The following ABI3BP variants were observed in gnomAD, a reference collection of about 807,000 sequenced individuals.
ABI3BP encodes ABI family member 3 binding protein.
A neutral mutation model predicts 268.6 loss-of-function variants in ABI3BP; 216 were observed. The observed-to-expected ratio is 0.80, with a 90% confidence interval of 0.72 to 0.90. The LOEUF is 0.90. Among genes scored for constraint, ABI3BP ranks in the 40% least tolerant of loss-of-function variants. The probability of loss-of-function intolerance (pLI) is 0.00; values close to 1 mark genes in which losing one functional copy is unlikely to be tolerated. For missense variants in ABI3BP, 2,090 were observed against 2,182.4 expected (o/e 0.96, Z 0.84); for synonymous variants, 730 against 730.0 (o/e 1.00, Z 0.00).
At chr3:100,929,224 C>T (rs1439037158) in intron 1 of ABI3BP, among the ~76,000 whole-genome samples, 3 of 152,158 alleles carry the variant, frequency 2.0e-5, no homozygotes, top group South Asian at 2.1e-4. Flanking sequence ...ATCATCATCA[C>T]GTTAGACTTT....
chr3:100,899,377 G>T (rs901865224), intron 3 of ABI3BP, among the ~76,000 whole-genome samples: 10 of 152,232 alleles, frequency 6.6e-5, no homozygotes, highest in Admixed American at 5.9e-4. Context: ...TAGATTGTAG[G>T]TTATAATCTT....
chr3:100,759,885 A>C (rs975760903), intron 63 of ABI3BP, among the ~76,000 whole-genome samples: 1 of 152,192 alleles, frequency 6.6e-6, no homozygotes, highest in African/African-American at 2.4e-5. Flanking sequence ...CTTTCTACAA[A>C]GCCCATAAGA....
chr3:100,962,280 TC>T (rs2079421322), intron 1 of ABI3BP, among the ~76,000 whole-genome samples: 1 of 152,162 alleles, frequency 6.6e-6, no homozygotes, highest in South Asian at 2.1e-4. Flanking sequence ...CCCATCCCTC[TC>T]CTTTCTTGTT....
chr3:100,810,951 G>A (rs1462278941), intron 48 of ABI3BP, among the ~76,000 whole-genome samples: 2 of 152,126 alleles, frequency 1.3e-5, no homozygotes, highest in South Asian at 2.1e-4. Flanking sequence ...ACAATGCCAA[G>A]CTGGCAGGAT....
intron 29 of ABI3BP, among the ~76,000 whole-genome samples, chr3:100,833,844 G>T (rs1009890461): frequency 6.6e-6 from 1 of 152,160 alleles, no homozygotes; most frequent in Non-Finnish European, 1.5e-5. Flanking sequence ...CCAACTAAAA[G>T]AACTTTGCCT....
chr3:100,894,966 A>AAAAAAAAAAAAAAAAAAAAC (rs1561385846), intron 4 of ABI3BP, among the ~76,000 whole-genome samples: 2 of 138,614 alleles, frequency 1.4e-5, no homozygotes, highest in Non-Finnish European at 3.2e-5. Context: ...AAAAAAAAAA[A>AAAAAAAAAAAAAAAAAAAAC]ACAGAAAAAA....
chr3:100,814,251 T>C (rs1479704031), intron 44 of ABI3BP, among the ~76,000 whole-genome samples: 1 of 152,140 alleles, frequency 6.6e-6, no homozygotes, highest in Non-Finnish European at 1.5e-5. Flanking sequence ...AATTAAGTTC[T>C]CATGGACTAT....
At chr3:100,764,846 T>C (rs1004941248) in intron 63 of ABI3BP, among the ~76,000 whole-genome samples, 1 of 152,320 alleles carries the variant, frequency 6.6e-6, no homozygotes, top group Non-Finnish European at 1.5e-5. Context: ...TGGCTAAAAG[T>C]CTTTTAAGAA....
At chr3:100,758,155 T>C (rs2095734957) in intron 63 of ABI3BP, among the ~76,000 whole-genome samples, 1 of 151,854 alleles carries the variant, frequency 6.6e-6, no homozygotes, top group African/African-American at 2.4e-5. Context: ...GGAGGCAGCA[T>C]GATCCAGGGG....
At chr3:100,939,498 C>T (rs929800116) in intron 1 of ABI3BP, among the ~76,000 whole-genome samples, 9 of 151,940 alleles carry the variant, frequency 5.9e-5, no homozygotes, top group South Asian at 2.1e-4. Flanking sequence ...GAAGACATCA[C>T]GTGTCGGTAG....
intron 1 of ABI3BP, among the ~76,000 whole-genome samples, chr3:100,963,025 G>A (rs1433202437): frequency 6.6e-6 from 1 of 152,086 alleles, no homozygotes; most frequent in African/African-American, 2.4e-5. Flanking sequence ...TTCTAGTACA[G>A]GAAATAACCA....
intron 63 of ABI3BP, among the ~76,000 whole-genome samples, chr3:100,760,582 C>T (rs1276446111): frequency 6.6e-6 from 1 of 152,142 alleles, no homozygotes; most frequent in African/African-American, 2.4e-5. Context: ...AGTTCTCTGG[C>T]CGACTCCATG....
At chr3:100,873,476 G>A (rs1424052567) in intron 9 of ABI3BP, among the ~76,000 whole-genome samples, 3 of 152,084 alleles carry the variant, frequency 2.0e-5, no homozygotes, top group South Asian at 2.1e-4. Flanking sequence ...TGTGGGATCC[G>A]CACTGTACCA....
chr3:100,777,599 G>C (rs1261170734), intron 59 of ABI3BP, among the ~76,000 whole-genome samples: 1 of 152,186 alleles, frequency 6.6e-6, no homozygotes. Context: ...GTATGTCAAG[G>C]ACAAGAACAG....
chr3:100,781,959 A>G (rs2096877836), intron 57 of ABI3BP, among the ~76,000 whole-genome samples: 1 of 152,216 alleles, frequency 6.6e-6, no homozygotes, highest in African/African-American at 2.4e-5. Flanking sequence ...TACATATGCC[A>G]GGATCCAAAG....
chr3:100,878,419 A>G (rs1008948544), intron 6 of ABI3BP, among the ~76,000 whole-genome samples: 3 of 152,240 alleles, frequency 2.0e-5, no homozygotes, highest in African/African-American at 7.2e-5. Flanking sequence ...TACATTTATA[A>G]GCAGAAAAAG....
At chr3:100,945,748 T>C in intron 1 of ABI3BP, 1 of 386,004 alleles carries the variant, frequency 2.6e-6, no homozygotes, top group Non-Finnish European at 5.1e-6. Context: ...TTTGGATTGT[T>C]TCCAGTTTTA....
intron 29 of ABI3BP, among the ~76,000 whole-genome samples, chr3:100,833,902 C>T (rs1254330961): frequency 6.6e-6 from 1 of 152,170 alleles, no homozygotes; most frequent in East Asian, 1.9e-4. Context: ...CCAATGTCAC[C>T]CTCACACGAC....
chr3:100,985,311 G>A (rs749839407), intron 1 of ABI3BP, among the ~76,000 whole-genome samples: 10 of 151,644 alleles, frequency 6.6e-5, no homozygotes, highest in Admixed American at 1.3e-4. Flanking sequence ...CACCATGCCC[G>A]GCTAATTTTT....
Sources: gnomAD v4.1 joint callset for allele counts (sites outside exome capture counted in the v4.1 genomes callset) on GRCh38, gnomAD v4.1.1 for gene constraint, MANE v1.5 for transcripts, NCBI Gene and HGNC (gene_info 2026-07-23, HGNC 2026-07-21) for gene names.